The following GOLGA8A variants were observed in gnomAD, a reference collection of about 807,000 sequenced individuals.
The protein encoded by GOLGA8A is golgin subfamily A member 8A.
A neutral mutation model predicts 22.1 loss-of-function variants in GOLGA8A; 3 were observed. That is an observed-to-expected ratio of 0.14 (90% CI 0.06 to 0.35). The LOEUF (loss-of-function observed/expected upper bound fraction) is 0.35, where lower values mean the gene tolerates loss of function less well. GOLGA8A is among the 10% of genes least tolerant of loss of function. GOLGA8A has a pLI of 1.00. For missense variants in GOLGA8A, 16 were observed against 233.2 expected, an observed-to-expected ratio of 0.07 and a Z score of 6.07; for synonymous variants, 7 against 91.7, an observed-to-expected ratio of 0.08 and a Z score of 5.28.
At chr15:34,397,437 C>A (rs1403874502) in intron 8 of GOLGA8A, among the ~76,000 whole-genome samples, 2 of 148,274 alleles carry the variant, frequency 1.3e-5, no homozygotes, top group Non-Finnish European at 3.0e-5. Context: ...TATTTTCTCA[C>A]AATTCTAATA....
At chr15:34,393,411 GCA>G (rs1303094329) in intron 8 of GOLGA8A, among the ~76,000 whole-genome samples, 7 of 130,188 alleles carry the variant, frequency 5.4e-5, no homozygotes, top group African/African-American at 2.0e-4. Context: ...GATTTCAATT[GCA>G]GTCATAGAAA....
At chr15:34,433,384 A>G (rs909675874) in intron 2 of GOLGA8A, among the ~76,000 whole-genome samples, 2 of 149,146 alleles carry the variant, frequency 1.3e-5, no homozygotes, top group Non-Finnish European at 3.0e-5. Flanking sequence ...GGCAGCAGGG[A>G]CCACCCGGGT....
At chr15:34,428,403 C>G (rs2554786) in intron 2 of GOLGA8A, among the ~76,000 whole-genome samples, 79,516 of 146,176 alleles carry the variant, frequency 0.54, 25,726 homozygotes, top group Non-Finnish European at 0.66. Flanking sequence ...CTTCAAATCA[C>G]ATTTCTAAGG....
chr15:34,404,618 T>TA (rs1892154762), intron 5 of GOLGA8A, among the ~76,000 whole-genome samples: 1 of 77,668 alleles, frequency 1.3e-5, no homozygotes, highest in African/African-American at 3.8e-5. Context: ...ACTAAAAATC[T>TA]AAAAAATCAG....
chr15:34,406,353 TA>T (rs1420528479), intron 4 of GOLGA8A, among the ~76,000 whole-genome samples: 1 of 31,348 alleles, frequency 3.2e-5, no homozygotes, highest in Non-Finnish European at 6.6e-5. Context: ...CTGTCTCTAC[TA>T]AAAAAATACA....
rs1371421963 is a variant in GOLGA8A, at chr15:34,379,385, TAC to T, written c.*2024_*2025del. 7.9e-5 allele frequency: 12 copies of T among 152,664 alleles called. No individual in the cohort carries two copies. The highest frequency in any genetic ancestry group is 1.3e-4 in the Non-Finnish European group (9 of 68,026). 9.5% of individuals were successfully genotyped at this position (152,664 alleles called of 1,614,324 possible). Reference sequence around the variant, plus strand: ...ATTATTTTAAAATGACTCTTTAAGATACAGTTTTAAACCCATGGGCTAGAAAT... The same window carrying T: ...ATTATTTTAAAATGACTCTTTAAGATAGTTTTAAACCCATGGGCTAGAAAT... On this transcript the variant is annotated 3_prime_UTR_variant, in exon 25 of 25. Transcript: ENST00000359187.
rs760894092 is a variant in GOLGA8A, at chr15:34,433,010, G to A, written c.-1123+2373C>T. Among the ~76,000 whole-genome samples the A allele has an allele frequency of 9.4e-5, 14 of 149,150 alleles. 1 individual carries two copies. The highest frequency in any genetic ancestry group is 1.8e-4 in the Non-Finnish European group (12 of 67,200). ...GCCTCACGCGGGTATTGCAGATGCTGAGAAAGACTCTCAAGCCAGAAGACT... is the reference window on the plus strand; with the variant it reads ...GCCTCACGCGGGTATTGCAGATGCTAAGAAAGACTCTCAAGCCAGAAGACT... On this transcript the variant is annotated intron_variant, in intron 2 of 24. Transcript: ENST00000359187.
At chr15:34,417,334 CT>C (rs368395776) in intron 2 of GOLGA8A, 3 of 94,610 alleles carry the variant, frequency 3.2e-5, no homozygotes, top group Middle Eastern at 4.8e-3. Flanking sequence ...AACCCCATCC[CT>C]TTTTTTTTGT....
chr15:34,379,133 T>G lies in GOLGA8A; in HGVS notation c.*2278A>C, dbSNP rs1891348520. 1 of 152,652 alleles carries G rather than the reference T, an allele frequency of 6.6e-6. No homozygotes were observed. Among genetic ancestry groups the G allele is most frequent in the Admixed American group, 6.5e-5 (1 of 15,280 alleles). The allele number at this position is 152,652 out of a possible 1,614,324, so 9.5% of individuals were successfully genotyped here. A position where few individuals can be genotyped will look rare whatever the true frequency, so the allele number is the denominator to read the frequency against. ...ACATCAGCAGTCAATAATGCCACTT[T>G]AAGCAAAAGTCTTTCAGTATTTCCG... On this transcript the variant is annotated 3_prime_UTR_variant, in exon 25 of 25. Transcript: ENST00000359187.
chr15:34,402,842 C>G (rs1237136154), intron 5 of GOLGA8A, among the ~76,000 whole-genome samples: 1 of 28,164 alleles, frequency 3.6e-5, no homozygotes, highest in Non-Finnish European at 5.9e-5. Context: ...ATATATTACT[C>G]TTGTTTACTT....
intron 1 of GOLGA8A, among the ~76,000 whole-genome samples, chr15:34,436,488 A>T (rs1434623214): frequency 2.7e-5 from 4 of 149,642 alleles, no homozygotes; most frequent in Admixed American, 6.7e-5. Flanking sequence ...AAGAGATCTG[A>T]AAAAGTAAGC....
At chr15:34,436,271 T>C (rs1256869510) in intron 1 of GOLGA8A, among the ~76,000 whole-genome samples, 1 of 149,200 alleles carries the variant, frequency 6.7e-6, no homozygotes, top group Admixed American at 6.7e-5. Context: ...AAAACCACTG[T>C]CCTTTCTGAA....
In GOLGA8A at chr15:34,432,332, C is replaced by A. The variant is rs1019936491; in HGVS notation, c.-1123+3051G>T. 4.0e-5 allele frequency among the ~76,000 whole-genome samples: 6 copies of A among 148,564 alleles called. 1 individual carries two copies. The Admixed American group carries it at 4.1e-4, about 10-fold the overall frequency. On this transcript the variant is annotated intron_variant, in intron 2 of 24. Coordinates refer to ENST00000359187, the MANE Select transcript of GOLGA8A (RefSeq NM_181077.5). Reference sequence around the variant, plus strand: ...TGGTCATGAGTCCTAGTCATGCCCACCCTGTTAAAAACAAATCTGATACAA... The same window carrying A: ...TGGTCATGAGTCCTAGTCATGCCCAACCTGTTAAAAACAAATCTGATACAA...
At chr15:34,416,368 A>T (rs1892576478) in intron 2 of GOLGA8A, 2 of 147,014 alleles carry the variant, frequency 1.4e-5, no homozygotes, top group East Asian at 2.1e-4. Context: ...TTCTTTAATA[A>T]TTTTTTTCTT....
chr15:34,430,294 C>T (rs954747387), intron 2 of GOLGA8A, among the ~76,000 whole-genome samples: 4 of 149,134 alleles, frequency 2.7e-5, no homozygotes, highest in African/African-American at 7.4e-5. Context: ...GCACATCCCA[C>T]CTGCAAAACG....
At chr15:34,430,024 G>A (rs8028616) in intron 2 of GOLGA8A, among the ~76,000 whole-genome samples, 3,337 of 147,334 alleles carry the variant, frequency 0.023, 348 homozygotes, top group African/African-American at 0.079. Flanking sequence ...CTCCCCAAAT[G>A]AAACCAAGAC....
Position 34,427,952 on chromosome 15 carries a change from T to G in GOLGA8A, c.-1123+7431A>C, listed in dbSNP as rs1893055532. Reference sequence around the variant, plus strand: ...ATGGGAAGTCTCTGAAATTCAGGTTTGGGAAATCAGTTGACATGAACTACA... The same window carrying G: ...ATGGGAAGTCTCTGAAATTCAGGTTGGGGAAATCAGTTGACATGAACTACA... On this transcript the variant is annotated intron_variant, in intron 2 of 24. Coordinates refer to ENST00000359187, the MANE Select transcript of GOLGA8A (RefSeq NM_181077.5). Among the ~76,000 whole-genome samples, 3 of 148,692 alleles carry G rather than the reference T, an allele frequency of 2.0e-5. No homozygotes were observed. The South Asian group carries it at 6.5e-4, about 32-fold the overall frequency.
rs1892882778 is a variant in GOLGA8A at position 34,423,996 on chromosome 15, C to G, written c.-1123+11387G>C. Among the ~76,000 whole-genome samples the G allele has an allele frequency of 1.4e-5, 2 of 147,704 alleles. 1 individual carries two copies. The highest frequency in any genetic ancestry group is 5.0e-5 in the African/African-American group (2 of 39,840). ...CCAGACATTGCCACCACCACAGCCA[C>G]TGATAGCACCTGAGGAGACCCTCTG... On this transcript the variant is annotated intron_variant, in intron 2 of 24. Coordinates refer to ENST00000359187, the MANE Select transcript of GOLGA8A (RefSeq NM_181077.5).
intron 4 of GOLGA8A, among the ~76,000 whole-genome samples, chr15:34,405,685 G>GTGCTCT (rs1388173923): frequency 2.8e-5 from 4 of 140,560 alleles, no homozygotes; most frequent in Admixed American, 1.4e-4. Context: ...TTTTATCCCA[G>GTGCTCT]TGCTCTTGCT....
Sources: gnomAD v4.1 joint callset for allele counts (sites outside exome capture counted in the v4.1 genomes callset) on GRCh38, gnomAD v4.1.1 for gene constraint, MANE v1.5 for transcripts, NCBI Gene and HGNC (gene_info 2026-07-23, HGNC 2026-07-21) for gene names.